Variants in NOX4 observed in about 807,000 individuals in gnomAD.
NOX4 encodes NADPH oxidase 4.
A neutral mutation model predicts 87.6 loss-of-function variants in NOX4; 69 were observed. The ratio of observed to expected loss-of-function variants is 0.79; its 90% CI spans 0.65 to 0.96. NOX4 has a LOEUF of 0.96. Ranked by LOEUF, NOX4 falls within the 40% of genes least tolerant of loss-of-function variation. The pLI, the probability that NOX4 is intolerant of heterozygous loss-of-function variation, is 0.00. For synonymous variants in NOX4, 275 were observed against 238.2 expected (o/e 1.15, Z -1.42); for missense variants, 680 against 681.5 (o/e 1.00, Z 0.02).
At chr11:89,383,033 T>C (rs1327959933) in intron 11 of NOX4, among the ~76,000 whole-genome samples, 1 of 152,002 alleles carries the variant, frequency 6.6e-6, no homozygotes, top group Non-Finnish European at 1.5e-5. Flanking sequence ...AGTCAGCTCC[T>C]AACATTAAAA....
Position 89,326,672 on chromosome 11 carries a change from A to G in NOX4, c.*84T>C. ...AAACCTTACTATTCTTTGGCATAAC[A>G]CAGCTGATTGATTCCGCTGAGTTTC... On this transcript the variant is annotated 3_prime_UTR_variant, in exon 18 of 18. Coordinates refer to ENST00000263317, the MANE Select transcript of NOX4 (RefSeq NM_016931.5). 8.3e-7 allele frequency: 1 copy of G among 1,200,724 alleles called. No individual in the cohort carries two copies. Among genetic ancestry groups the G allele is most frequent in the Admixed American group, 2.1e-5 (1 of 46,942 alleles). 74.4% of individuals were successfully genotyped at this position (1,200,724 alleles called of 1,614,324 possible). A position where few individuals can be genotyped will look rare whatever the true frequency, so the allele number is the denominator to read the frequency against.
intron 8 of NOX4, among the ~76,000 whole-genome samples, chr11:89,409,116 C>G (rs1942337736): frequency 6.6e-6 from 1 of 152,060 alleles, no homozygotes; most frequent in South Asian, 2.1e-4. Flanking sequence ...AGGTAAGCAT[C>G]CATTACTTCT....
intron 12 of NOX4, among the ~76,000 whole-genome samples, chr11:89,360,518 G>T (rs1444965425): frequency 2.6e-5 from 4 of 151,970 alleles, no homozygotes; most frequent in African/African-American, 4.8e-5. Context: ...CTTGGAAAAA[G>T]AAAAAATAAA....
At chr11:89,423,822 G>A (rs1015023320) in intron 7 of NOX4, among the ~76,000 whole-genome samples, 2 of 152,044 alleles carry the variant, frequency 1.3e-5, no homozygotes, top group African/African-American at 4.8e-5. Context: ...GAAAGGCAGA[G>A]GTGGAAGGAG....
At chr11:89,512,803 T>C in the NOX4 span, among the ~76,000 whole-genome samples, 2 of 152,122 alleles carry the variant, frequency 1.3e-5, no homozygotes, top group African/African-American at 4.8e-5. Context: ...AAACATCCTG[T>C]GGTTCTTGCC....
At chr11:89,552,342 C>T in the NOX4 span, among the ~76,000 whole-genome samples, 15 of 152,240 alleles carry the variant, frequency 9.9e-5, no homozygotes, top group South Asian at 4.1e-4. Context: ...TATCTTGTGT[C>T]AATCATTGAT....
the NOX4 span, chr11:89,557,070 T>C: frequency 6.6e-6 from 1 of 152,182 alleles, no homozygotes; most frequent in African/African-American, 2.4e-5. Flanking sequence ...CTTAACAGTT[T>C]TTCATGCTGC....
rs1157858666 is a variant in NOX4 at position 89,483,178 on chromosome 11, A to G, written c.153+7280T>C. On this transcript the variant is annotated intron_variant, in intron 2 of 17. Transcript: ENST00000263317. ...TTAAATGAGATTATAAAAGGGGCCA[A>G]GAACTGTGTCTGACACGTCATATAT... Among the ~76,000 whole-genome samples the G allele has an allele frequency of 2.0e-5, 3 of 152,160 alleles. No homozygotes were observed. The East Asian group carries it at 5.8e-4, about 29-fold the overall frequency.
chr11:89,495,618 C>A (rs912579710), upstream of NOX4, among the ~76,000 whole-genome samples: 11 of 152,046 alleles, frequency 7.2e-5, no homozygotes, highest in African/African-American at 2.7e-4. Context: ...TATTATTTAG[C>A]CTAGGATAGC....
At chr11:89,359,067 C>T (rs1039427100) in intron 12 of NOX4, among the ~76,000 whole-genome samples, 1 of 152,126 alleles carries the variant, frequency 6.6e-6, no homozygotes, top group Non-Finnish European at 1.5e-5. Flanking sequence ...CCTTCATCCA[C>T]TCTTTCTTTC....
intron 14 of NOX4, among the ~76,000 whole-genome samples, chr11:89,340,417 T>C (rs573025047): frequency 9.4e-4 from 41 of 43,778 alleles, no homozygotes; most frequent in African/African-American, 2.5e-3. Context: ...AAGTGTTAAA[T>C]GTTAAATGAA....
intron 12 of NOX4, among the ~76,000 whole-genome samples, chr11:89,365,523 C>T (rs1009010884): frequency 1.3e-5 from 2 of 151,270 alleles, no homozygotes; most frequent in Admixed American, 1.3e-4. Flanking sequence ...CACATTATTG[C>T]TACTAAGCTT....
At position 89,372,025 on chromosome 11, in the gene NOX4, A is replaced by G. The variant is rs58469124; in HGVS notation, c.1135+1407T>C. On this transcript the variant is annotated intron_variant, in intron 12 of 17. Coordinates refer to ENST00000263317, the MANE Select transcript of NOX4 (RefSeq NM_016931.5). ...TTTAACTCTATGAAATAACCTCCTT[A>G]TATAAACTATTGTTCTCCTCATTTC... Among the ~76,000 whole-genome samples the G allele has an allele frequency of 1.8e-3, 268 of 151,888 alleles. 2 individuals carry two copies. Among genetic ancestry groups the G allele is most frequent in the African/African-American group, 6.2e-3 (259 of 41,514 alleles).
At chr11:89,487,297 G>T (rs945361062) in intron 2 of NOX4, among the ~76,000 whole-genome samples, 2 of 152,080 alleles carry the variant, frequency 1.3e-5, no homozygotes, top group Middle Eastern at 3.2e-3. Flanking sequence ...AAAATTCCTG[G>T]CATATCACAG....
intron 2 of NOX4, chr11:89,488,974 T>A (rs2135493080): frequency 2.8e-6 from 2 of 702,684 alleles, no homozygotes; most frequent in East Asian, 5.4e-5. Flanking sequence ...ATCTGAAATG[T>A]ATAGGTTTCA....
rs1944569065 is a variant in NOX4 at position 89,443,948 on chromosome 11, A to G, written c.447+187T>C. 3 of 548,270 alleles carry G rather than the reference A, an allele frequency of 5.5e-6. No individual in the cohort carries two copies. The East Asian group carries it at 8.9e-5, about 16-fold the overall frequency. 34.0% of individuals were successfully genotyped at this position (548,270 alleles called of 1,614,324 possible). On this transcript the variant is annotated intron_variant, in intron 5 of 17. Transcript: ENST00000263317. Reference sequence around the variant, plus strand: ...CATTCTACCAACTCTCACTTTCAGCAGGAGACACTATGAAATAGTAATTAC... The same window carrying G: ...CATTCTACCAACTCTCACTTTCAGCGGGAGACACTATGAAATAGTAATTAC...
At chr11:89,469,964 G>C (rs913992687) in intron 2 of NOX4, among the ~76,000 whole-genome samples, 3 of 151,876 alleles carry the variant, frequency 2.0e-5, no homozygotes, top group Non-Finnish European at 4.4e-5. Flanking sequence ...CATTGATTTA[G>C]AGGACAATTT....
chr11:89,468,930 A>G (rs1439723813), intron 2 of NOX4, among the ~76,000 whole-genome samples: 3 of 151,806 alleles, frequency 2.0e-5, no homozygotes, highest in Non-Finnish European at 4.4e-5. Flanking sequence ...ATTTTTGTCT[A>G]TTTTGCCTAG....
the NOX4 span, among the ~76,000 whole-genome samples, chr11:89,553,212 A>C: frequency 6.6e-6 from 1 of 152,112 alleles, no homozygotes; most frequent in Non-Finnish European, 1.5e-5. Flanking sequence ...TCCAAATTGT[A>C]ATCCCTACAT....
Sources: allele counts gnomAD v4.1 joint callset (sites outside exome capture counted in the v4.1 genomes callset), GRCh38; gene constraint gnomAD v4.1.1; transcripts MANE v1.5; gene names NCBI Gene and HGNC (gene_info 2026-07-23, HGNC 2026-07-21).